The following PRAG1 variants were observed in gnomAD, a reference collection of about 807,000 sequenced individuals.
The protein encoded by PRAG1 is inactive tyrosine-protein kinase PRAG1.
Under a neutral mutation model 95.6 loss-of-function variants are expected in PRAG1, and 110 were observed. That is an observed-to-expected ratio of 1.15 (90% confidence interval 0.99 to 1.35). PRAG1 has a LOEUF of 1.35. PRAG1 is among the 40% of genes most tolerant of loss of function. The pLI is 0.00. For missense variants in PRAG1, 2,554 were observed against 1,864.7 expected (o/e 1.37, Z -6.81); for synonymous variants, 1,052 against 819.4 (o/e 1.28, Z -4.85).
intron 3 of PRAG1, among the ~76,000 whole-genome samples, chr8:8,348,134 C>G (rs1037470697): frequency 6.6e-6 from 1 of 152,156 alleles, no homozygotes; most frequent in African/African-American, 2.4e-5. Context: ...CTAGGCTGGT[C>G]CCGAACTCCT....
Position 8,335,569 on chromosome 8 carries a change from T to A in PRAG1, c.2320+3909A>T, listed in dbSNP as rs1021343021. 1.1e-4 allele frequency among the ~76,000 whole-genome samples: 17 copies of A among 152,334 alleles called. No individual in the cohort carries two copies. In the South Asian group the frequency reaches 1.4e-3, roughly 13 times the overall value. ...TTATAAAAAAAAAGTATTGACTTTA[T>A]TGGAACAATAATATATTATTTAAAA... On this transcript the variant is annotated intron_variant, in intron 4 of 5. Transcript: ENST00000615670.
At position 8,318,310 on chromosome 8, in the gene PRAG1, G is replaced by C. The variant is rs1156293459; in HGVS notation, c.4065C>G (p.Ile1355Met). Reference protein sequence around the residue: ...EALCGTLHNWIDMKRALMMMK... With the variant: ...EALCGTLHNWMDMKRALMMMK... ...TCATCATCAGGGCCCGCTTCATGTC[G>C]ATCCAGTTGTGCAGCGTGCCGCACA... The change falls in exon 6 of 6, where the codon ATC becomes ATG. Residue 1355 changes from isoleucine (I) to methionine (M), a missense_variant. Transcript: ENST00000615670. The surrounding 1 kb of genome is among the most constrained non-coding windows in gnomAD (Gnocchi z 4.2). 2 of 1,614,050 alleles carry C rather than the reference G, an allele frequency of 1.2e-6. No individual in the cohort carries two copies. The highest frequency in any genetic ancestry group is 2.2e-5 in the South Asian group (2 of 91,092).
At chr8:8,354,758 TA>T (rs1430027983) in intron 3 of PRAG1, among the ~76,000 whole-genome samples, 45 of 152,088 alleles carry the variant, frequency 3.0e-4, no homozygotes, top group Non-Finnish European at 1.6e-4. Context: ...AGCTTGGGTA[TA>T]AAAGAAAAGT....
intron 5 of PRAG1, among the ~76,000 whole-genome samples, chr8:8,325,348 C>T (rs1464247): frequency 6.6e-6 from 1 of 152,148 alleles, no homozygotes; most frequent in Admixed American, 6.5e-5. Flanking sequence ...TCCTTTTTCA[C>T]GTGGCACAGA....
chr8:8,335,973 G>A (rs777426039), intron 4 of PRAG1, among the ~76,000 whole-genome samples: 8 of 152,156 alleles, frequency 5.3e-5, no homozygotes, highest in Admixed American at 1.3e-4. Context: ...TAGTCAGCTT[G>A]TTGAGAAAAA....
rs184277103 is a variant in PRAG1 at position 8,376,261 on chromosome 8, C to T, written c.2148G>A (p.Pro716=). ...ATGGTACTCACCGCGACTTTGGAGG[C>T]GGAGGAGGAGGTGAGAATGTCTCAA... ...SGIETFSPPP[P]PPKSRHLLKM... The change falls in exon 3 of 6, where the codon CCG becomes CCA. Residue 716 remains proline (P), a synonymous_variant. Transcript: ENST00000615670. 102 of 1,613,154 alleles carry T rather than the reference C, an allele frequency of 6.3e-5. No homozygotes were observed. In the South Asian group the frequency reaches 9.3e-4, roughly 15 times the overall value.
Position 8,331,429 on chromosome 8 carries a change from T to C in PRAG1, c.2321-2968A>G, listed in dbSNP as rs1236325661. On this transcript the variant is annotated intron_variant, in intron 4 of 5. Transcript: ENST00000615670. ...CTTTAGAAAATGACCGATGACATCA[T>C]TGTGAAGGCCCCTTGCAGCACTAAT... is the stretch of plus-strand genomic sequence containing the variant. 2.6e-5 allele frequency among the ~76,000 whole-genome samples: 4 copies of C among 152,174 alleles called. No homozygotes were observed. In the East Asian group the frequency reaches 7.7e-4, roughly 29 times the overall value.
At chr8:8,351,307 C>G (rs1799513884) in intron 3 of PRAG1, among the ~76,000 whole-genome samples, 3 of 152,032 alleles carry the variant, frequency 2.0e-5, no homozygotes, top group Non-Finnish European at 4.4e-5. Flanking sequence ...AGAACAGCAC[C>G]AAAGGGGGAA....
At chr8:8,369,547 C>T (rs1441197907) in intron 3 of PRAG1, among the ~76,000 whole-genome samples, 1 of 152,152 alleles carries the variant, frequency 6.6e-6, no homozygotes, top group Non-Finnish European at 1.5e-5. Context: ...GAAATAAACA[C>T]GGCACTGTCT....
chr8:8,349,520 G>C (rs140699642), intron 3 of PRAG1, among the ~76,000 whole-genome samples: 2,497 of 152,116 alleles, frequency 0.016, 24 homozygotes, highest in Middle Eastern at 0.037. Flanking sequence ...CTGACCTCGT[G>C]ATCCACCTGC....
At chr8:8,381,265 G>A (rs888303199) in intron 2 of PRAG1, among the ~76,000 whole-genome samples, 153 bp downstream of exon 2, 4 of 152,188 alleles carry the variant, frequency 2.6e-5, no homozygotes, top group African/African-American at 7.2e-5. Flanking sequence ...CAGCTACAGC[G>A]AATCCCAGGC....
At chr8:8,337,365 C>G (rs759661127) in intron 4 of PRAG1, among the ~76,000 whole-genome samples, 2 of 152,120 alleles carry the variant, frequency 1.3e-5, no homozygotes, top group Non-Finnish European at 2.9e-5. Context: ...ATCTAAGCTG[C>G]CTTGGTAAGC....
In PRAG1 at chr8:8,377,020, G is replaced by T; in HGVS notation, c.1389C>A (p.Ser463Arg). 1 of 1,613,914 alleles carries T rather than the reference G, an allele frequency of 6.2e-7. No individual in the cohort carries two copies. Among genetic ancestry groups the T allele is most frequent in the African/African-American group, 1.3e-5 (1 of 75,070 alleles). Residue 463 changes from serine to arginine, a missense_variant, in exon 3 of 6, where the codon AGC (serine) becomes AGA (arginine). Coordinates refer to ENST00000615670, the MANE Select transcript of PRAG1 (RefSeq NM_001080826.3). ...QKAASGWGRD[S>R]PDPTPQVSAT... ...CTGACACCTGGGGAGTTGGGTCTGG[G>T]CTGTCCCGGCCCCAGCCAGATGCTG...
chr8:8,375,810 CCAT>C (rs1181766833), intron 3 of PRAG1, among the ~76,000 whole-genome samples: 1 of 152,108 alleles, frequency 6.6e-6, no homozygotes, highest in Non-Finnish European at 1.5e-5. Context: ...CAGGCATGAG[CCAT>C]CATACCCAGC....
chr8:8,369,741 T>G (rs1800130264), intron 3 of PRAG1, among the ~76,000 whole-genome samples: 1 of 151,550 alleles, frequency 6.6e-6, no homozygotes, highest in Admixed American at 6.6e-5. Context: ...ATCCTGATCT[T>G]GGATCAAGTT....
chr8:8,376,849 C>T lies in PRAG1; in HGVS notation c.1560G>A (p.Gly520=). 6.2e-7 allele frequency: 1 copy of T among 1,612,952 alleles called. No individual in the cohort carries two copies. Among genetic ancestry groups the T allele is most frequent in the African/African-American group, 1.3e-5 (1 of 75,070 alleles). The part of the protein sequence containing the change: ...SEVGEEETSA[G]QGLSSRESHA... ...GGCTTTCCCTGGAGCTCAGCCCCTGCCCAGCCGAAGTCTCCTCTTCACCTA... is the reference window on the plus strand; with the variant it reads ...GGCTTTCCCTGGAGCTCAGCCCCTGTCCAGCCGAAGTCTCCTCTTCACCTA... Residue 520 remains glycine, a synonymous_variant, in exon 3 of 6, where the codon GGG becomes GGA. Coordinates refer to ENST00000615670, the MANE Select transcript of PRAG1 (RefSeq NM_001080826.3).
At chr8:8,331,680 T>A (rs1023509364) in intron 4 of PRAG1, among the ~76,000 whole-genome samples, 1 of 152,204 alleles carries the variant, frequency 6.6e-6, no homozygotes, top group Non-Finnish European at 1.5e-5. Flanking sequence ...ATTCCCTAGA[T>A]GACCAAAGAG....
chr8:8,333,884 C>G (rs768471022), intron 4 of PRAG1, among the ~76,000 whole-genome samples: 3 of 152,184 alleles, frequency 2.0e-5, no homozygotes, highest in Non-Finnish European at 4.4e-5. Context: ...GCCCTGGGGC[C>G]CTAGTGCAAT....
chr8:8,326,007 G>C (rs912318773), intron 5 of PRAG1, among the ~76,000 whole-genome samples: 1 of 150,416 alleles, frequency 6.6e-6, no homozygotes, highest in Non-Finnish European at 1.5e-5. Context: ...CTATACCATG[G>C]ACAAGAGGAA....
Sources: allele counts gnomAD v4.1 joint callset (sites outside exome capture counted in the v4.1 genomes callset), GRCh38; gene constraint gnomAD v4.1.1; non-coding constraint Gnocchi (gnomAD v3.1); transcripts MANE v1.5; gene names NCBI Gene and HGNC (gene_info 2026-07-23, HGNC 2026-07-21).